The following DOK5 variants were observed in gnomAD, a reference collection of about 807,000 sequenced individuals.
DOK5 encodes the protein docking protein 5.
DOK5 carries 27 observed loss-of-function variants against 43.3 expected under a neutral mutation model. The ratio of observed to expected loss-of-function variants is 0.62; its 90% CI spans 0.46 to 0.86. The LOEUF is 0.86. DOK5 is among the 40% of genes least tolerant of loss of function. The probability of loss-of-function intolerance (pLI) is 0.00; values close to 1 mark genes in which losing one functional copy is unlikely to be tolerated. For missense variants in DOK5, 373 were observed against 392.9 expected, an observed-to-expected ratio of 0.95 and a Z score of 0.43; for synonymous variants, 146 against 140.1, an observed-to-expected ratio of 1.04 and a Z score of -0.30.
chr20:54,479,039 T>C (rs1684615749), intron 1 of DOK5, among the ~76,000 whole-genome samples: 1 of 152,082 alleles, frequency 6.6e-6, no homozygotes, highest in Non-Finnish European at 1.5e-5. Flanking sequence ...ATACAACCTA[T>C]GTACATATTG....
intron 7 of DOK5, among the ~76,000 whole-genome samples, chr20:54,648,852 A>ACAATG (rs1461083825): frequency 6.6e-6 from 1 of 152,138 alleles, no homozygotes; most frequent in Non-Finnish European, 1.5e-5. Flanking sequence ...TGGCCTCAGT[A>ACAATG]CAATGTTCCT....
intron 6 of DOK5, among the ~76,000 whole-genome samples, chr20:54,633,558 T>C (rs956585974): frequency 3.9e-5 from 6 of 152,206 alleles, no homozygotes; most frequent in Non-Finnish European, 7.3e-5. Context: ...GTTTCTCAGG[T>C]TGAGAATGTG....
rs1182777481 is a variant in DOK5 at position 54,475,795 on chromosome 20, C to T, written c.-152C>T. The T allele has an allele frequency of 7.0e-5, 61 of 867,726 alleles. 1 individual carries two copies. The highest frequency in any genetic ancestry group is 3.4e-4 in the Middle Eastern group (1 of 2,912). The allele number at this position is 867,726 out of a possible 1,614,324, so 53.8% of individuals were successfully genotyped here. On this transcript the variant is annotated 5_prime_UTR_variant, in exon 1 of 8. Coordinates refer to ENST00000262593, the MANE Select transcript of DOK5 (RefSeq NM_018431.5). The surrounding 1 kb of genome is among the most constrained non-coding windows in gnomAD (Gnocchi z 4.2). ...TTGGGGGGACAGAGAAAGTGATGTG[C>T]GCCTTCTAAAGCCTCGCCCAGCGCC...
chr20:54,605,108 T>TACACACACACACAC (rs11471905), intron 5 of DOK5, among the ~76,000 whole-genome samples: 6 of 148,932 alleles, frequency 4.0e-5, no homozygotes, highest in African/African-American at 1.5e-4. Flanking sequence ...CCATATATTC[T>TACACACACACACAC]ACACACACAC....
intron 1 of DOK5, among the ~76,000 whole-genome samples, chr20:54,479,296 C>T (rs1280808941): frequency 6.6e-6 from 1 of 152,134 alleles, no homozygotes; most frequent in Non-Finnish European, 1.5e-5. Flanking sequence ...TATTCCCCAG[C>T]TTAATCCCCA....
chr20:54,593,522 T>C (rs1166021864), intron 5 of DOK5, among the ~76,000 whole-genome samples: 1 of 152,200 alleles, frequency 6.6e-6, no homozygotes, highest in Non-Finnish European at 1.5e-5. Flanking sequence ...ATTACTTATT[T>C]ATTCTTCTTA....
chr20:54,574,271 C>G (rs1247100953), intron 2 of DOK5, among the ~76,000 whole-genome samples: 1 of 152,062 alleles, frequency 6.6e-6, no homozygotes, highest in Non-Finnish European at 1.5e-5. Context: ...CCTGTATCCA[C>G]CTCTGCTTGG....
rs111841047 is a variant in DOK5, at chr20:54,617,036, C to T, written c.735+6513C>T. Among the ~76,000 whole-genome samples, 821 of 152,172 alleles carry T rather than the reference C, an allele frequency of 5.4e-3. 7 individuals carry two copies. Among genetic ancestry groups the T allele is most frequent in the African/African-American group, 0.019 (780 of 41,518 alleles). ...CGATCTCCTGACCTCATGATCCACC[C>T]GCCTTGGCCTCCCAAAGTGCTGGGA... is the stretch of plus-strand genomic sequence containing the variant. On this transcript the variant is annotated intron_variant, in intron 6 of 7. Transcript: ENST00000262593.
At chr20:54,574,829 T>C (rs1218960193) in intron 2 of DOK5, among the ~76,000 whole-genome samples, 1 of 152,108 alleles carries the variant, frequency 6.6e-6, no homozygotes, top group Non-Finnish European at 1.5e-5. Context: ...CTGAAATGGT[T>C]GGGAAACAGT....
intron 1 of DOK5, among the ~76,000 whole-genome samples, chr20:54,547,473 G>T (rs1164436848): frequency 6.6e-6 from 1 of 152,116 alleles, no homozygotes; most frequent in Non-Finnish European, 1.5e-5. Flanking sequence ...GTAAAATTAG[G>T]AATTCTAAGC....
At chr20:54,623,061 A>G (rs1268279461) in intron 6 of DOK5, among the ~76,000 whole-genome samples, 1 of 152,150 alleles carries the variant, frequency 6.6e-6, no homozygotes, top group East Asian at 1.9e-4. Context: ...GGGAACATAC[A>G]TAAACAGTAT....
intron 1 of DOK5, among the ~76,000 whole-genome samples, chr20:54,495,615 G>A (rs185851628): frequency 6.8e-4 from 103 of 152,334 alleles, no homozygotes; most frequent in African/African-American, 2.5e-3. Context: ...AAGTGGCTGG[G>A]CGCAGTGGCT....
intron 6 of DOK5, 102 bp from the exon 7 acceptor site, chr20:54,643,356 C>A: frequency 2.0e-6 from 3 of 1,479,320 alleles, no homozygotes; most frequent in Non-Finnish European, 2.8e-6. Flanking sequence ...TGCAGCCTGG[C>A]CAGCTCTGTG....
chr20:54,637,245 G>A (rs1263403077), intron 6 of DOK5, among the ~76,000 whole-genome samples: 3 of 152,150 alleles, frequency 2.0e-5, no homozygotes, highest in Non-Finnish European at 2.9e-5. Flanking sequence ...GACATAAGTC[G>A]ATTGATTGCT....
intron 1 of DOK5, among the ~76,000 whole-genome samples, chr20:54,477,004 T>A (rs1981454434): frequency 1.4e-5 from 2 of 147,082 alleles, no homozygotes; most frequent in South Asian, 4.4e-4. Context: ...TTTTAGTTGA[T>A]CCTGTGCGTT....
At chr20:54,489,157 A>C (rs1043509156) in intron 1 of DOK5, among the ~76,000 whole-genome samples, 3 of 152,254 alleles carry the variant, frequency 2.0e-5, no homozygotes, top group African/African-American at 7.2e-5. Context: ...CAAATTCATC[A>C]TCAGGAAATA....
intron 2 of DOK5, among the ~76,000 whole-genome samples, chr20:54,564,095 T>G (rs2146739345): frequency 6.6e-6 from 1 of 152,308 alleles, no homozygotes; most frequent in South Asian, 2.1e-4. Context: ...GATACATTCA[T>G]TGTGATGAAA....
At chr20:54,492,196 T>A (rs1982207987) in intron 1 of DOK5, among the ~76,000 whole-genome samples, 1 of 152,148 alleles carries the variant, frequency 6.6e-6, no homozygotes, top group African/African-American at 2.4e-5. Flanking sequence ...AACCCCAGAC[T>A]GGTCTCACTT....
chr20:54,551,191 G>T lies in DOK5; in HGVS notation c.67-3742G>T, dbSNP rs529976456. Among the ~76,000 whole-genome samples the T allele has an allele frequency of 9.9e-5, 15 of 152,226 alleles. No individual in the cohort carries two copies. In the South Asian group the frequency reaches 2.9e-3, roughly 30 times the overall value. Reference sequence around the variant, plus strand: ...TTTCATGTGCTTCTTGAACATCTGCGCACCCTCTCCGGTGAGATGTCTGTT... The same window carrying T: ...TTTCATGTGCTTCTTGAACATCTGCTCACCCTCTCCGGTGAGATGTCTGTT... On this transcript the variant is annotated intron_variant, in intron 1 of 7. Coordinates refer to ENST00000262593, the MANE Select transcript of DOK5 (RefSeq NM_018431.5).
Sources: allele counts gnomAD v4.1 joint callset (sites outside exome capture counted in the v4.1 genomes callset), GRCh38; gene constraint gnomAD v4.1.1; non-coding constraint Gnocchi (gnomAD v3.1); transcripts MANE v1.5; gene names NCBI Gene and HGNC (gene_info 2026-07-23, HGNC 2026-07-21).